Variants in FSIP2 observed in about 807,000 individuals in gnomAD.
FSIP2 encodes the protein fibrous sheath-interacting protein 2.
In FSIP2, 367 loss-of-function variants were observed where a neutral mutation model predicts 510.5. That is an observed-to-expected ratio of 0.72 (90% CI 0.66 to 0.78). The LOEUF (loss-of-function observed/expected upper bound fraction) is 0.78. Among genes scored for constraint, FSIP2 ranks in the 30% least tolerant of loss-of-function variants. The pLI, the probability that FSIP2 is intolerant of heterozygous loss-of-function variation, is 0.00. For missense variants in FSIP2, 7,594 were observed against 7,901.7 expected (o/e 0.96, Z 1.48); for synonymous variants, 2,601 against 2,732.2 (o/e 0.95, Z 1.50).
intron 21 of FSIP2, among the ~76,000 whole-genome samples, chr2:185,829,829 A>G (rs2105690804): frequency 6.6e-6 from 1 of 152,088 alleles, no homozygotes; most frequent in South Asian, 2.1e-4. Flanking sequence ...AAGCCACAGC[A>G]TTTTAGCCAT....
intron 17 of FSIP2, among the ~76,000 whole-genome samples, chr2:185,811,726 A>G (rs563803303): frequency 6.6e-6 from 1 of 152,196 alleles, no homozygotes; most frequent in East Asian, 2.0e-4. Context: ...GAATGGTTTC[A>G]TGGGCTCCGC....
At chr2:185,786,711 C>A (rs773950508) in intron 15 of FSIP2, among the ~76,000 whole-genome samples, 1 of 151,820 alleles carries the variant, frequency 6.6e-6, no homozygotes, top group East Asian at 1.9e-4. Context: ...GACCTGGTCA[C>A]CTATGAGCTG....
intron 19 of FSIP2, among the ~76,000 whole-genome samples, chr2:185,819,123 A>G (rs1048034288): frequency 6.6e-6 from 1 of 151,888 alleles, no homozygotes; most frequent in African/African-American, 2.4e-5. Context: ...TATGCAGTTA[A>G]GTTTACTTGG....
chr2:185,797,081 C>G lies in FSIP2; in HGVS notation c.9945C>G (p.Asn3315Lys). ...ACCTAAAACCAGTTGTTGAACCAAACCAAATTCAGACAACCATTTCCCCTC... is the reference window on the plus strand; with the variant it reads ...ACCTAAAACCAGTTGTTGAACCAAAGCAAATTCAGACAACCATTTCCCCTC... Reference protein sequence around the residue: ...YENLKPVVEPNQIQTTISPLK... With the variant: ...YENLKPVVEPKQIQTTISPLK... Residue 3315 changes from asparagine (N) to lysine (K), a missense_variant, in exon 16 of 23, where the codon AAC (asparagine) becomes AAG (lysine). By Grantham distance (94) the Asn-to-Lys change is moderately conservative. Transcript: ENST00000424728. 6.5e-7 allele frequency: 1 copy of G among 1,535,148 alleles called. No homozygotes were observed. The highest frequency in any genetic ancestry group is 1.2e-5 in the South Asian group (1 of 84,028).
In FSIP2 at chr2:185,792,629, T is replaced by A. The variant is rs761374891; in HGVS notation, c.5493T>A (p.Asp1831Glu). Residue 1831 changes from aspartate (D) to glutamate (E), a missense_variant, in exon 16 of 23, where the codon GAT (aspartate) becomes GAA (glutamate). Transcript: ENST00000424728. ...TTCAATTTATGGATAAAATGATGGA[T>A]CCTTTACTTTCGGAAGCAGATATAA... ...TSVQFMDKMM[D>E]PLLSEADITI... The A allele has an allele frequency of 9.1e-6, 14 of 1,534,222 alleles. No individual in the cohort carries two copies. Among genetic ancestry groups the A allele is most frequent in the Middle Eastern group, 1.7e-4 (1 of 5,972 alleles).
chr2:185,791,284 C>T lies in FSIP2; in HGVS notation c.4148C>T (p.Pro1383Leu), dbSNP rs1235285192. ...QRSISLSSRK[P>L]KSATDSVDVQ... is the part of the protein sequence containing the mutation. ...AGCATTTCACTCTCTTCTCGTAAGC[C>T]AAAGTCTGCAACTGACAGTGTTGAT... The change falls in exon 16 of 23, where the codon CCA becomes CTA. Residue 1383 changes from proline (P) to leucine (L), a missense_variant. By Grantham distance (98) the Pro-to-Leu change is moderately conservative. Coordinates refer to ENST00000424728, the MANE Select transcript of FSIP2 (RefSeq NM_173651.4). The T allele has an allele frequency of 2.6e-6, 4 of 1,533,922 alleles. No individual in the cohort carries two copies. The highest frequency in any genetic ancestry group is 3.5e-6 in the Non-Finnish European group (4 of 1,145,512).
chr2:185,801,980 C>A lies in FSIP2; in HGVS notation c.12674C>A (p.Ser4225Tyr). The change falls in exon 17 of 23, where the codon TCT becomes TAT. Residue 4225 changes from serine (S) to tyrosine (Y), a missense_variant. Ser to Tyr is a moderately radical substitution (Grantham distance 144). Coordinates refer to ENST00000424728, the MANE Select transcript of FSIP2 (RefSeq NM_173651.4). ...DSVYCNILQM[S>Y]DSLVSIQKSI... is the part of the protein sequence containing the mutation. ...GTATATTGTAATATTTTGCAAATGTCTGACTCTCTTGTTTCAATACAAAAA... is the reference window on the plus strand; with the variant it reads ...GTATATTGTAATATTTTGCAAATGTATGACTCTCTTGTTTCAATACAAAAA... 6.6e-7 allele frequency: 1 copy of A among 1,524,372 alleles called. No individual in the cohort carries two copies. The highest frequency in any genetic ancestry group is 8.8e-7 in the Non-Finnish European group (1 of 1,141,670). 94.4% of individuals were successfully genotyped at this position (1,524,372 alleles called of 1,614,324 possible). A position where few individuals can be genotyped will look rare whatever the true frequency, so the allele number is the denominator to read the frequency against.
chr2:185,819,086 CAAATGTGTTAAA>C (rs1361761958), intron 19 of FSIP2, among the ~76,000 whole-genome samples: 1 of 151,694 alleles, frequency 6.6e-6, no homozygotes, highest in Non-Finnish European at 1.5e-5. Flanking sequence ...GGGTAGGGGG[CAAATGTGTTAAA>C]AAGTAGAGTT....
chr2:185,789,423 C>T lies in FSIP2; in HGVS notation c.2287C>T (p.Leu763Phe), dbSNP rs1225015853. 1 of 1,534,650 alleles carries T rather than the reference C, an allele frequency of 6.5e-7. No homozygotes were observed. The highest frequency in any genetic ancestry group is 1.4e-5 in the African/African-American group (1 of 72,902). ...TGCTTCTGAGATTGTGGAAAATATG[C>T]TTGAGAAGTTAGAGTCTGCAGTTGA... Reference protein sequence around the residue: ...SVASEIVENMLEKLESAVEKK... With the variant: ...SVASEIVENMFEKLESAVEKK... Residue 763 changes from leucine to phenylalanine, a missense_variant, in exon 16 of 23, where the codon CTT becomes TTT. By Grantham distance (22) the Leu-to-Phe change is conservative (BLOSUM62 0). Coordinates refer to ENST00000424728, the MANE Select transcript of FSIP2 (RefSeq NM_173651.4).
In FSIP2 at chr2:185,791,162, A is replaced by T; in HGVS notation, c.4026A>T (p.Glu1342Asp). ...GFFANTDKKL[E>D]SLVTSIDDDI... ...TTGCTAATACTGATAAAAAATTAGA[A>T]TCTCTTGTCACGAGTATTGATGATG... Residue 1342 changes from glutamate (E) to aspartate (D), a missense_variant, in exon 16 of 23, where the codon GAA becomes GAT. By Grantham distance (45) the Glu-to-Asp change is conservative (BLOSUM62 2). Coordinates refer to ENST00000424728, the MANE Select transcript of FSIP2 (RefSeq NM_173651.4). 1 of 1,533,644 alleles carries T rather than the reference A, an allele frequency of 6.5e-7. No homozygotes were observed. The highest frequency in any genetic ancestry group is 8.7e-7 in the Non-Finnish European group (1 of 1,145,216).
chr2:185,793,516 C>A lies in FSIP2; in HGVS notation c.6380C>A (p.Ser2127Ter). The A allele has an allele frequency of 6.5e-7, 1 of 1,534,254 alleles. No individual in the cohort carries two copies. Among genetic ancestry groups the A allele is most frequent in the Non-Finnish European group, 8.7e-7 (1 of 1,145,586 alleles). ...AAATGTAGCATAGCTGATAAACATTCAGAAGAAAATTCTGAAATGTTCATG... is the reference window on the plus strand; with the variant it reads ...AAATGTAGCATAGCTGATAAACATTAAGAAGAAAATTCTGAAATGTTCATG... ...TLKCSIADKH[S>*]EENSEMFMEG... Residue 2127 changes from serine (S) to a stop codon, truncating the protein, a stop_gained, in exon 16 of 23, where the codon TCA becomes TAA. Transcript: ENST00000424728. LOFTEE classifies it high-confidence loss of function.
chr2:185,743,333 C>A (rs200003904), intron 3 of FSIP2, 39 bp downstream of exon 3: 207 of 1,364,152 alleles, frequency 1.5e-4, no homozygotes, highest in Middle Eastern at 9.8e-4. Flanking sequence ...TCAATGAAAC[C>A]CTTTAAAACT....
rs920222151 is a variant in FSIP2 at position 185,789,502 on chromosome 2, G to A, written c.2366G>A (p.Ser789Asn). Residue 789 changes from serine (S) to asparagine (N), a missense_variant, in exon 16 of 23, where the codon AGT becomes AAT. Transcript: ENST00000424728. ...SQDLSVDIKP[S>N]LAASDELLTS... ...GATTTGTCAGTCGACATTAAACCAA[G>A]TTTAGCAGCCAGTGATGAACTTCTC... 2.6e-6 allele frequency: 4 copies of A among 1,534,510 alleles called. No individual in the cohort carries two copies. Among genetic ancestry groups the A allele is most frequent in the Non-Finnish European group, 2.6e-6 (3 of 1,145,888 alleles).
chr2:185,809,053 T>C lies in FSIP2; in HGVS notation c.19747T>C (p.Ser6583Pro). 1 of 1,608,900 alleles carries C rather than the reference T, an allele frequency of 6.2e-7. No individual in the cohort carries two copies. The highest frequency in any genetic ancestry group is 1.3e-5 in the African/African-American group (1 of 74,610). Residue 6583 changes from serine (S) to proline (P), a missense_variant, in exon 17 of 23, where the codon TCA becomes CCA. Transcript: ENST00000424728. Reference sequence around the variant, plus strand: ...AAGTGGGAGAAATTACTCCTTAGGATCACCTGATTTAGAAAAGAGAAAGAC... The same window carrying C: ...AAGTGGGAGAAATTACTCCTTAGGACCACCTGATTTAGAAAAGAGAAAGAC... ...SISGRNYSLG[S>P]PDLEKRKTER...
chr2:185,759,657 T>C (rs1692312294), intron 9 of FSIP2, among the ~76,000 whole-genome samples: 1 of 146,486 alleles, frequency 6.8e-6, no homozygotes, highest in South Asian at 2.1e-4. Flanking sequence ...ATTATATATA[T>C]TATATATTAT....
rs1267211038 is a variant in FSIP2, at chr2:185,831,688, T to A, written c.20518-125T>A. 4.2e-5 allele frequency: 28 copies of A among 671,626 alleles called. 1 individual carries two copies. The South Asian group carries it at 4.5e-4, about 11-fold the overall frequency. 41.6% of individuals were successfully genotyped at this position (671,626 alleles called of 1,614,324 possible). On this transcript the variant is annotated intron_variant, in intron 21 of 22. Transcript: ENST00000424728. ...ATTCTTTGAGACTGCAGAGCACAGA[T>A]ATATTTTATGTAAGATGCTGTAGTG...
intron 2 of FSIP2, among the ~76,000 whole-genome samples, chr2:185,741,524 G>A (rs1297570763): frequency 6.6e-6 from 1 of 152,142 alleles, no homozygotes. Flanking sequence ...TTTTTTAAAA[G>A]TTTACAGCTA....
chr2:185,757,440 A>C (rs2105550650), intron 9 of FSIP2, among the ~76,000 whole-genome samples: 1 of 151,476 alleles, frequency 6.6e-6, no homozygotes. Context: ...AATTGGGTGG[A>C]GGGGGTTATG....
rs115544483 is a variant in FSIP2 at position 185,787,173 on chromosome 2, G to C, written c.1506+885G>C. Among the ~76,000 whole-genome samples, 477 of 151,806 alleles carry C rather than the reference G, an allele frequency of 3.1e-3. 1 individual carries two copies. Among genetic ancestry groups the C allele is most frequent in the Admixed American group, 8.9e-3 (136 of 15,220 alleles). On this transcript the variant is annotated intron_variant, in intron 15 of 22. Coordinates refer to ENST00000424728, the MANE Select transcript of FSIP2 (RefSeq NM_173651.4). The stretch of plus-strand genomic sequence containing the variant: ...TAATTATCTTCCTATAAACATTTAG[G>C]TATGATTCTTAAGTATTTGATTTAG...
Sources: gnomAD v4.1 joint callset for allele counts (sites outside exome capture counted in the v4.1 genomes callset) on GRCh38, gnomAD v4.1.1 for gene constraint, MANE v1.5 for transcripts, NCBI Gene and HGNC (gene_info 2026-07-23, HGNC 2026-07-21) for gene names.